NRXN3: variants seen among roughly 807,000 people sequenced by gnomAD.
NRXN3 encodes neurexin 3.
NRXN3 carries 32 observed loss-of-function variants against 137.6 expected under a neutral mutation model. That is an observed-to-expected ratio of 0.23 (90% CI 0.18 to 0.31). The LOEUF (loss-of-function observed/expected upper bound fraction) is 0.31, where lower values mean the gene tolerates loss of function less well. Among genes scored for constraint, NRXN3 ranks in the 10% least tolerant of loss-of-function variants. The pLI is 1.00. For synonymous variants in NRXN3, 798 were observed against 784.5 expected, an observed-to-expected ratio of 1.02 and a Z score of -0.29; for missense variants, 1,574 against 2,062.5, an observed-to-expected ratio of 0.76 and a Z score of 4.59.
At chr14:79,127,051 G>C (rs1486614363) in intron 15 of NRXN3, among the ~76,000 whole-genome samples, 1 of 152,014 alleles carries the variant, frequency 6.6e-6, no homozygotes, top group African/African-American at 2.4e-5. Flanking sequence ...ATTTGTTTGA[G>C]TTCATTGTAG....
intron 20 of NRXN3, among the ~76,000 whole-genome samples, chr14:79,823,153 C>T: frequency 7.9e-5 from 2 of 25,394 alleles, no homozygotes; most frequent in Admixed American, 7.4e-4. Flanking sequence ...GAATGTGTAT[C>T]TACGTCCTCA....
chr14:79,135,158 C>A (rs2058089533), intron 15 of NRXN3, among the ~76,000 whole-genome samples: 1 of 152,060 alleles, frequency 6.6e-6, no homozygotes, highest in African/African-American at 2.4e-5. Context: ...AGCAAATTTT[C>A]TCTGATCATA....
At chr14:78,775,621 C>A (rs1178179269) in intron 8 of NRXN3, among the ~76,000 whole-genome samples, 1 of 152,094 alleles carries the variant, frequency 6.6e-6, no homozygotes, top group African/African-American at 2.4e-5. Flanking sequence ...GATAGGGTGG[C>A]CTGACATATT....
At chr14:78,383,755 A>T (rs2089520089) in intron 4 of NRXN3, among the ~76,000 whole-genome samples, 1 of 152,156 alleles carries the variant, frequency 6.6e-6, no homozygotes, top group African/African-American at 2.4e-5. Context: ...CATAATGTCT[A>T]CCTTGAGAGC....
At chr14:79,712,597 T>C (rs986836873) in intron 19 of NRXN3, among the ~76,000 whole-genome samples, 3 of 152,224 alleles carry the variant, frequency 2.0e-5, no homozygotes, top group African/African-American at 7.2e-5. Context: ...ATTTCTGTTT[T>C]CCTGTAACTC....
chr14:79,252,507 C>A (rs1353741872), intron 15 of NRXN3, among the ~76,000 whole-genome samples: 1 of 146,936 alleles, frequency 6.8e-6, no homozygotes. Context: ...GTCCATTTTG[C>A]ATATATGGCT....
intron 16 of NRXN3, among the ~76,000 whole-genome samples, chr14:79,505,310 A>T (rs1158280410): frequency 6.6e-6 from 1 of 151,998 alleles, no homozygotes; most frequent in Non-Finnish European, 1.5e-5. Context: ...ACTCATATAC[A>T]CAGTCCAATA....
chr14:78,817,577 G>C (rs138980360), intron 10 of NRXN3, among the ~76,000 whole-genome samples: 1 of 152,122 alleles, frequency 6.6e-6, no homozygotes, highest in African/African-American at 2.4e-5. Flanking sequence ...TTTCAAGAGC[G>C]GGCAGTTGCA....
At chr14:79,537,941 T>G (rs2097229616) in intron 16 of NRXN3, among the ~76,000 whole-genome samples, 1 of 152,202 alleles carries the variant, frequency 6.6e-6, no homozygotes. Flanking sequence ...CTCCACATCC[T>G]CTCCAGCACC....
rs1595659548 is a variant in NRXN3 at position 78,181,486 on chromosome 14, C to A, written c.-704+10812C>A. 2.0e-5 allele frequency among the ~76,000 whole-genome samples: 3 copies of A among 152,324 alleles called. No individual in the cohort carries two copies. In the South Asian group the frequency reaches 6.2e-4, roughly 32 times the overall value. Reference sequence around the variant, plus strand: ...TGAGGTTTGGTCTCCTTTGCTCAGGCCTGGCTATCCATTGCTGACAAAGAA... The same window carrying A: ...TGAGGTTTGGTCTCCTTTGCTCAGGACTGGCTATCCATTGCTGACAAAGAA... On this transcript the variant is annotated intron_variant, in intron 1 of 20. Transcript: ENST00000335750.
chr14:79,845,598 G>T, intron 20 of NRXN3, among the ~76,000 whole-genome samples: 1 of 151,508 alleles, frequency 6.6e-6, no homozygotes, highest in East Asian at 2.0e-4. Flanking sequence ...CAGAGAGAGA[G>T]AGAGACAGAG....
intron 2 of NRXN3, among the ~76,000 whole-genome samples, chr14:78,267,896 A>G (rs1257480696): frequency 1.3e-5 from 2 of 152,206 alleles, no homozygotes; most frequent in Non-Finnish European, 2.9e-5. Flanking sequence ...TTGAGTCTCC[A>G]GTGCCTAAGT....
intron 15 of NRXN3, among the ~76,000 whole-genome samples, chr14:79,266,365 A>G (rs1484139207): frequency 1.3e-5 from 2 of 152,102 alleles, no homozygotes; most frequent in African/African-American, 2.4e-5. Flanking sequence ...TTATATATAT[A>G]TATAACCTTT....
At position 79,830,654 on chromosome 14, in the gene NRXN3, ACCGATTCAC is replaced by A. The variant is rs1211732689; in HGVS notation, c.4093+25467_4093+25475del. On this transcript the variant is annotated intron_variant, in intron 20 of 20. Coordinates refer to ENST00000335750, the MANE Select transcript of NRXN3 (RefSeq NM_001330195.2). The stretch of plus-strand genomic sequence containing the variant: ...AAGCCTTGGCATACTATTCAATGGC[ACCGATTCAC>A]CCAAATTGCAACTGAGGAAAACGTG... 1.1e-4 allele frequency among the ~76,000 whole-genome samples: 16 copies of A among 152,342 alleles called. No individual in the cohort carries two copies. In the East Asian group the frequency reaches 1.4e-3, roughly 13 times the overall value.
At chr14:79,739,830 C>A (rs757025767) in intron 19 of NRXN3, among the ~76,000 whole-genome samples, 7 of 152,004 alleles carry the variant, frequency 4.6e-5, no homozygotes, top group Non-Finnish European at 1.0e-4. Flanking sequence ...CCACTATTTC[C>A]CAAATAAACC....
intron 15 of NRXN3, chr14:79,248,883 C>T (rs148579541): frequency 2.0e-5 from 3 of 152,370 alleles, no homozygotes; most frequent in Admixed American, 1.3e-4. Flanking sequence ...ATGAATGGCT[C>T]ACAGGGGAGG....
intron 16 of NRXN3, among the ~76,000 whole-genome samples, chr14:79,562,588 A>G (rs2097509259): frequency 6.6e-6 from 1 of 152,158 alleles, no homozygotes; most frequent in Non-Finnish European, 1.5e-5. Context: ...TTACACCTAC[A>G]TCCCTATTAG....
At chr14:78,531,123 A>G (rs2096456093) in intron 4 of NRXN3, among the ~76,000 whole-genome samples, 2 of 152,060 alleles carry the variant, frequency 1.3e-5, no homozygotes, top group Non-Finnish European at 2.9e-5. Context: ...GCCATTACAC[A>G]CAAATCTGAG....
chr14:78,734,508 T>C (rs2098532676), intron 8 of NRXN3, among the ~76,000 whole-genome samples: 1 of 152,196 alleles, frequency 6.6e-6, no homozygotes, highest in African/African-American at 2.4e-5. Flanking sequence ...GGGCAAAATG[T>C]GATGCATCTT....
Sources: allele counts gnomAD v4.1 joint callset (sites outside exome capture counted in the v4.1 genomes callset), GRCh38; gene constraint gnomAD v4.1.1; transcripts MANE v1.5; gene names NCBI Gene and HGNC (gene_info 2026-07-23, HGNC 2026-07-21).